Variants in CACNA1A observed in about 807,000 individuals in gnomAD.
The protein encoded by CACNA1A is voltage-dependent P/Q-type calcium channel subunit alpha-1A.
A neutral mutation model predicts 262.4 loss-of-function variants in CACNA1A; 57 were observed. The observed-to-expected ratio is 0.22, with a 90% CI of 0.18 to 0.27. The LOEUF (loss-of-function observed/expected upper bound fraction) is 0.27. CACNA1A is among the 10% of genes least tolerant of loss of function. CACNA1A has a pLI of 1.00. For synonymous variants in CACNA1A, 1,431 were observed against 1,419.3 expected (o/e 1.01, Z -0.18); for missense variants, 2,526 against 3,562.8 (o/e 0.71, Z 7.41).
At position 13,209,025 on chromosome 19, in the gene CACNA1A, G is replaced by A. The variant is rs752985059; in HGVS notation, c.6527-16C>T. The A allele has an allele frequency of 2.1e-4, 321 of 1,536,874 alleles. No individual in the cohort carries two copies. The highest frequency in any genetic ancestry group is 2.8e-4 in the Non-Finnish European group (317 of 1,146,892). On this transcript the variant is annotated splice_polypyrimidine_tract_variant and intron_variant, in intron 45 of 46. Transcript: ENST00000360228. ...GTCCCCAAGCCTGGGCCGGGTGAGG[G>A]TCAGACAGACACACAGGTGGTCGTG... is the stretch of plus-strand genomic sequence containing the variant.
At chr19:13,366,619 G>T (rs2059216416) in intron 4 of CACNA1A, among the ~76,000 whole-genome samples, 1 of 152,124 alleles carries the variant, frequency 6.6e-6, no homozygotes, top group South Asian at 2.1e-4. Flanking sequence ...CTTAATAAAG[G>T]TATTTGACAT....
chr19:13,412,006 G>A (rs562143460), intron 3 of CACNA1A, among the ~76,000 whole-genome samples: 4 of 150,340 alleles, frequency 2.7e-5, no homozygotes, highest in East Asian at 4.0e-4. Flanking sequence ...GTGACCCACC[G>A]TGCCTGGCCT....
chr19:13,405,044 C>T (rs1292583207), intron 3 of CACNA1A, among the ~76,000 whole-genome samples: 2 of 151,534 alleles, frequency 1.3e-5, no homozygotes, highest in East Asian at 3.9e-4. Flanking sequence ...TTACAGGCAC[C>T]CCGCCACCAC....
At chr19:13,402,873 C>CATATATATATATATATATATATAT (rs71170507) in intron 3 of CACNA1A, among the ~76,000 whole-genome samples, 1 of 72,824 alleles carries the variant, frequency 1.4e-5, no homozygotes, top group Non-Finnish European at 2.8e-5. Flanking sequence ...CACACACACA[C>CATATATATATATATATATATATAT]ATATATATAT....
chr19:13,476,432 A>G (rs1014519712), intron 1 of CACNA1A, among the ~76,000 whole-genome samples: 1 of 152,146 alleles, frequency 6.6e-6, no homozygotes, highest in African/African-American at 2.4e-5. Flanking sequence ...AGCACCTATG[A>G]TATGCCACCT....
intron 1 of CACNA1A, among the ~76,000 whole-genome samples, chr19:13,467,729 C>G (rs188956920): frequency 5.3e-5 from 8 of 151,556 alleles, no homozygotes; most frequent in Non-Finnish European, 1.0e-4. Context: ...CTCATCCTCC[C>G]GAGTAGCTGG....
At chr19:13,479,217 T>C (rs529729659) in intron 1 of CACNA1A, among the ~76,000 whole-genome samples, 1 of 152,176 alleles carries the variant, frequency 6.6e-6, no homozygotes, top group East Asian at 1.9e-4. Flanking sequence ...CCTTCCCTTG[T>C]GGAGATCATA....
chr19:13,217,740 A>G (rs2055068153), intron 38 of CACNA1A, among the ~76,000 whole-genome samples: 1 of 152,132 alleles, frequency 6.6e-6, no homozygotes, highest in South Asian at 2.1e-4. Context: ...TAGGTGTCAT[A>G]GAAGCTGGGG....
intron 43 of CACNA1A, chr19:13,210,853 C>T: frequency 3.1e-6 from 2 of 635,114 alleles, no homozygotes; most frequent in Admixed American, 5.0e-5. Flanking sequence ...TCCCAGGCCC[C>T]CGGGGCTGGG....
intron 30 of CACNA1A, among the ~76,000 whole-genome samples, chr19:13,251,467 C>G (rs1475159113): frequency 1.3e-5 from 2 of 151,918 alleles, no homozygotes; most frequent in Non-Finnish European, 2.9e-5. Flanking sequence ...TGGGCAACAG[C>G]GAGACTGTCT....
chr19:13,280,018 A>G (rs1005325436), intron 22 of CACNA1A, among the ~76,000 whole-genome samples: 4 of 152,052 alleles, frequency 2.6e-5, no homozygotes, highest in Non-Finnish European at 1.5e-5. Context: ...CATGTTGGCC[A>G]GGCTGGTCTC....
chr19:13,309,659 C>CTCTAT (rs2057977222), intron 12 of CACNA1A, among the ~76,000 whole-genome samples: 1 of 151,984 alleles, frequency 6.6e-6, no homozygotes, highest in Non-Finnish European at 1.5e-5. Flanking sequence ...TGCCACTGCA[C>CTCTAT]TCTAGCCTGG....
intron 1 of CACNA1A, among the ~76,000 whole-genome samples, chr19:13,459,250 G>C (rs1345329246): frequency 1.3e-5 from 2 of 152,102 alleles, no homozygotes; most frequent in Non-Finnish European, 2.9e-5. Context: ...CTGGAGTTAG[G>C]TTTGGCATTT....
chr19:13,390,887 C>T (rs2059699185), intron 3 of CACNA1A, among the ~76,000 whole-genome samples: 1 of 152,070 alleles, frequency 6.6e-6, no homozygotes, highest in South Asian at 2.1e-4. Flanking sequence ...GAACCACCTG[C>T]TATTGCATCT....
intron 1 of CACNA1A, among the ~76,000 whole-genome samples, chr19:13,499,455 G>T (rs891689139): frequency 7.7e-6 from 1 of 129,170 alleles, no homozygotes; most frequent in East Asian, 2.5e-4. Flanking sequence ...GGTGGTGGGG[G>T]GGGGCACTTC....
intron 24 of CACNA1A, chr19:13,272,530 C>T (rs1353147385): frequency 1.3e-5 from 2 of 152,352 alleles, no homozygotes; most frequent in East Asian, 3.8e-4. Flanking sequence ...CTCCAAGCTA[C>T]ACGGTCCAGG....
At chr19:13,410,217 G>T (rs902749316) in intron 3 of CACNA1A, among the ~76,000 whole-genome samples, 2 of 151,040 alleles carry the variant, frequency 1.3e-5, no homozygotes, top group Non-Finnish European at 2.9e-5. Flanking sequence ...CATAAAATCT[G>T]CTGTTAGGTC....
intron 6 of CACNA1A, among the ~76,000 whole-genome samples, chr19:13,353,432 C>A (rs2058950800): frequency 6.6e-6 from 1 of 151,838 alleles, no homozygotes; most frequent in African/African-American, 2.4e-5. Flanking sequence ...GCGCCCAGCA[C>A]CCCCACTCAT....
intron 24 of CACNA1A, among the ~76,000 whole-genome samples, chr19:13,268,872 C>T (rs894232091): frequency 2.1e-5 from 3 of 144,174 alleles, no homozygotes; most frequent in African/African-American, 7.8e-5. Flanking sequence ...TTATTGCATA[C>T]GTAGAATCAT....
Sources: allele counts gnomAD v4.1 joint callset (sites outside exome capture counted in the v4.1 genomes callset), GRCh38; gene constraint gnomAD v4.1.1; transcripts MANE v1.5; gene names NCBI Gene and HGNC (gene_info 2026-07-23, HGNC 2026-07-21).